Variants in KAZN observed in about 807,000 individuals in gnomAD.
The protein encoded by KAZN is kazrin.
KAZN carries 40 observed loss-of-function variants against 87.4 expected under a neutral mutation model. The ratio of observed to expected loss-of-function variants is 0.46; its 90% CI spans 0.36 to 0.60. The LOEUF is 0.60. Ranked by LOEUF, KAZN falls within the 20% of genes least tolerant of loss-of-function variation. The pLI is 0.00. For synonymous variants in KAZN, 466 were observed against 458.3 expected, an observed-to-expected ratio of 1.02 and a Z score of -0.22; for missense variants, 898 against 1,073.9, an observed-to-expected ratio of 0.84 and a Z score of 2.29.
chr1:14,811,664 C>A (rs1468355240), intron 1 of KAZN, among the ~76,000 whole-genome samples: 1 of 152,162 alleles, frequency 6.6e-6, no homozygotes, highest in Non-Finnish European at 1.5e-5. Flanking sequence ...TTCTAAAGCA[C>A]ACGTTGTTCT....
intron 1 of KAZN, among the ~76,000 whole-genome samples, chr1:13,942,168 T>C (rs1042136837): frequency 1.3e-5 from 2 of 152,074 alleles, no homozygotes; most frequent in African/African-American, 4.8e-5. Flanking sequence ...CAGCTTCAAA[T>C]CCCTCAATTC....
chr1:14,268,822 G>A (rs2100675481), intron 2 of KAZN, among the ~76,000 whole-genome samples: 1 of 152,302 alleles, frequency 6.6e-6, no homozygotes, highest in East Asian at 1.9e-4. Context: ...ATTTTGGAAT[G>A]CCTGCAATGT....
At chr1:14,019,794 A>G in intron 1 of KAZN, among the ~76,000 whole-genome samples, 1 of 151,660 alleles carries the variant, frequency 6.6e-6, no homozygotes, top group East Asian at 1.9e-4. Context: ...CTCATTCCTT[A>G]CTCTACAGCA....
chr1:14,858,618 A>G (rs1650450588), intron 1 of KAZN, among the ~76,000 whole-genome samples: 1 of 152,228 alleles, frequency 6.6e-6, no homozygotes, highest in African/African-American at 2.4e-5. Flanking sequence ...ATGTACAAGT[A>G]TTCAATTCAA....
chr1:14,878,224 A>G (rs1013150357), intron 1 of KAZN, among the ~76,000 whole-genome samples: 1 of 151,952 alleles, frequency 6.6e-6, no homozygotes, highest in African/African-American at 2.4e-5. Flanking sequence ...TCACCCCACA[A>G]CCTATCACTG....
chr1:14,834,622 A>G (rs949774997), intron 1 of KAZN, among the ~76,000 whole-genome samples: 1 of 152,072 alleles, frequency 6.6e-6, no homozygotes, highest in Non-Finnish European at 1.5e-5. Context: ...CAGCCTCCCA[A>G]AGTGCTGGGA....
chr1:14,642,327 G>A (rs540564924), intron 1 of KAZN, among the ~76,000 whole-genome samples: 304 of 152,336 alleles, frequency 2.0e-3, no homozygotes, highest in Non-Finnish European at 7.6e-4. Context: ...TTGAACCCGG[G>A]AGGCGGAGGT....
In KAZN at chr1:14,943,848, G is replaced by A. The variant is rs528214177; in HGVS notation, c.227-16836G>A. Among the ~76,000 whole-genome samples the A allele has an allele frequency of 7.9e-5, 12 of 152,334 alleles. No individual in the cohort carries two copies. In the South Asian group the frequency reaches 1.9e-3, roughly 24 times the overall value. On this transcript the variant is annotated intron_variant, in intron 1 of 14. Coordinates refer to ENST00000376030, the MANE Select transcript of KAZN (RefSeq NM_201628.3). ...CCACTTTGGGAGGCTGAGGCGGGCG[G>A]ATCACCTGAGGTCAGGAGTTTGAGA...
chr1:13,912,815 C>T (rs970697859), intron 1 of KAZN, among the ~76,000 whole-genome samples: 3 of 147,956 alleles, frequency 2.0e-5, no homozygotes, highest in South Asian at 2.1e-4. Flanking sequence ...AGGCTGGTCT[C>T]GAACTCCTGA....
At chr1:14,775,618 C>T (rs190364743) in intron 1 of KAZN, among the ~76,000 whole-genome samples, 481 of 152,338 alleles carry the variant, frequency 3.2e-3, no homozygotes, top group Middle Eastern at 6.8e-3. Context: ...AATATGAGGA[C>T]GTAAAACATG....
intron 1 of KAZN, among the ~76,000 whole-genome samples, chr1:14,609,994 T>C (rs1677688875): frequency 6.6e-6 from 1 of 152,244 alleles, no homozygotes; most frequent in Non-Finnish European, 1.5e-5. Flanking sequence ...CTCTTGGGCA[T>C]GGGCCACTGC....
At chr1:14,531,836 T>C (rs1015856001) in intron 2 of KAZN, among the ~76,000 whole-genome samples, 3 of 152,182 alleles carry the variant, frequency 2.0e-5, no homozygotes, top group Admixed American at 2.0e-4. Flanking sequence ...TTTCCACGTA[T>C]ATTTTTTTCC....
chr1:14,704,658 T>C lies in KAZN; in HGVS notation c.226+105435T>C, dbSNP rs189970604. Among the ~76,000 whole-genome samples the C allele has an allele frequency of 2.6e-5, 4 of 152,320 alleles. No individual in the cohort carries two copies. The East Asian group carries it at 7.7e-4, about 29-fold the overall frequency. On this transcript the variant is annotated intron_variant, in intron 1 of 14. Coordinates refer to ENST00000376030, the MANE Select transcript of KAZN (RefSeq NM_201628.3). ...CTTCAGGGATGAAGTCTCCACGTCC[T>C]GCATCTGGACGTCTTTTCCATTTAC...
chr1:13,893,898 C>G (rs1407710818), intron 1 of KAZN: 3 of 1,011,124 alleles, frequency 3.0e-6, no homozygotes, highest in Non-Finnish European at 4.2e-6. Flanking sequence ...GGATGTAAGA[C>G]TTAACTAGCT....
At chr1:15,035,236 T>C (rs1672140651) in intron 3 of KAZN, among the ~76,000 whole-genome samples, 1 of 152,178 alleles carries the variant, frequency 6.6e-6, no homozygotes, top group Non-Finnish European at 1.5e-5. Flanking sequence ...GTAAGGACTC[T>C]ATGAGATGAT....
At chr1:14,990,260 T>C (rs947614569) in intron 2 of KAZN, among the ~76,000 whole-genome samples, 1 of 152,180 alleles carries the variant, frequency 6.6e-6, no homozygotes, top group African/African-American at 2.4e-5. Flanking sequence ...TCTGGCTCTG[T>C]CACCCAAGCT....
intron 2 of KAZN, among the ~76,000 whole-genome samples, chr1:14,336,232 T>C (rs1005741445): frequency 4.6e-5 from 7 of 152,230 alleles, no homozygotes; most frequent in African/African-American, 1.7e-4. Flanking sequence ...TATGTGGCTT[T>C]TATGTCTGGC....
At chr1:14,500,603 C>T (rs931111105) in intron 2 of KAZN, among the ~76,000 whole-genome samples, 2 of 151,522 alleles carry the variant, frequency 1.3e-5, no homozygotes, top group African/African-American at 4.8e-5. Flanking sequence ...AAAACTGGAA[C>T]CGAAACACAT....
intron 1 of KAZN, among the ~76,000 whole-genome samples, chr1:13,948,556 A>T (rs1464265835): frequency 6.6e-6 from 1 of 152,114 alleles, no homozygotes; most frequent in African/African-American, 2.4e-5. Flanking sequence ...GCAGTGTGAG[A>T]ACGGACTCAT....
Sources: allele counts gnomAD v4.1 joint callset (sites outside exome capture counted in the v4.1 genomes callset), GRCh38; gene constraint gnomAD v4.1.1; transcripts MANE v1.5; gene names NCBI Gene and HGNC (gene_info 2026-07-23, HGNC 2026-07-21).